Variants in CUX2 observed in about 807,000 individuals in gnomAD.
CUX2 encodes homeobox protein cut-like 2.
In CUX2, 40 loss-of-function variants were observed where a neutral mutation model predicts 144.8. The ratio of observed to expected loss-of-function variants is 0.28; its 90% confidence interval spans 0.21 to 0.36. The LOEUF is 0.36. Among genes scored for constraint, CUX2 ranks in the 10% least tolerant of loss-of-function variants. The pLI is 1.00. For synonymous variants in CUX2, 827 were observed against 875.6 expected (o/e 0.94, Z 0.98); for missense variants, 1,615 against 1,994.0 (o/e 0.81, Z 3.62).
chr12:111,081,826 G>A (rs1024431549), intron 1 of CUX2, among the ~76,000 whole-genome samples: 3 of 152,124 alleles, frequency 2.0e-5, no homozygotes, highest in South Asian at 2.1e-4. Flanking sequence ...TGTCTTCCAC[G>A]AGCTTCCGCC....
intron 1 of CUX2, among the ~76,000 whole-genome samples, chr12:111,055,710 C>A (rs140184976): frequency 1.3e-5 from 2 of 152,170 alleles, no homozygotes; most frequent in African/African-American, 2.4e-5. Context: ...ACTGCCCCAG[C>A]GGTCCCATCG....
chr12:111,229,111 A>G (rs1299466253), intron 3 of CUX2, among the ~76,000 whole-genome samples: 3 of 152,224 alleles, frequency 2.0e-5, no homozygotes, highest in Non-Finnish European at 4.4e-5. Context: ...GATTATTACA[A>G]TTAAGATGAT....
chr12:111,254,942 C>G (rs1013417010), intron 3 of CUX2, among the ~76,000 whole-genome samples: 1 of 152,148 alleles, frequency 6.6e-6, no homozygotes, highest in Admixed American at 6.6e-5. Context: ...CTCTGCCTCC[C>G]GGGTTCAAGA....
intron 1 of CUX2, among the ~76,000 whole-genome samples, chr12:111,172,627 T>A (rs1878619914): frequency 6.6e-6 from 1 of 152,206 alleles, no homozygotes; most frequent in African/African-American, 2.4e-5. Context: ...TGCAGCTGGG[T>A]GGAGGCTCCG....
At chr12:111,125,180 ATTT>A (rs113174761) in intron 1 of CUX2, among the ~76,000 whole-genome samples, 8,639 of 141,208 alleles carry the variant, frequency 0.061, 848 homozygotes, top group African/African-American at 0.21. Flanking sequence ...CTATTCTGGA[ATTT>A]TTTTTTTTTT....
rs759571472 is a variant in CUX2, at chr12:111,186,256, G to A, written c.64-27944G>A. Among the ~76,000 whole-genome samples the A allele has an allele frequency of 2.0e-5, 3 of 152,088 alleles. No individual in the cohort carries two copies. Among genetic ancestry groups the A allele is most frequent in the Non-Finnish European group, 4.4e-5 (3 of 68,024 alleles). ...GTTGTCACTGTGGATGCTTAGTCAG[G>A]TGACACTTATGGGGACCAGCTGTGT... On this transcript the variant is annotated intron_variant, in intron 1 of 21. Transcript: ENST00000261726. This position sits in a 1 kb window ranked among gnomAD's most constrained non-coding sequence, Gnocchi z 4.4.
At chr12:111,331,777 C>T (rs971403988) in intron 18 of CUX2, among the ~76,000 whole-genome samples, 1 of 152,062 alleles carries the variant, frequency 6.6e-6, no homozygotes, top group African/African-American at 2.4e-5. Flanking sequence ...CACAAAATGT[C>T]TTTTGAAAAA....
At chr12:111,097,785 G>A (rs1255676510) in intron 1 of CUX2, among the ~76,000 whole-genome samples, 1 of 152,164 alleles carries the variant, frequency 6.6e-6, no homozygotes, top group Non-Finnish European at 1.5e-5. Context: ...TGGCTGTTTT[G>A]TACCTGGGGC....
chr12:111,042,620 T>C (rs1869805139), intron 1 of CUX2, among the ~76,000 whole-genome samples: 1 of 152,062 alleles, frequency 6.6e-6, no homozygotes, highest in Admixed American at 6.6e-5. Flanking sequence ...CCTTAAGAAT[T>C]GTTGTGAGGA....
chr12:111,175,043 G>A (rs1433822228), intron 1 of CUX2, among the ~76,000 whole-genome samples: 1 of 152,148 alleles, frequency 6.6e-6, no homozygotes, highest in Non-Finnish European at 1.5e-5. Flanking sequence ...ACAGAAGAGG[G>A]GGCCGTACAG....
intron 5 of CUX2, among the ~76,000 whole-genome samples, chr12:111,291,913 A>G (rs1297564084): frequency 6.6e-6 from 1 of 152,152 alleles, no homozygotes; most frequent in African/African-American, 2.4e-5. Flanking sequence ...ATTCAGCACC[A>G]AAAGCACCCA....
At chr12:111,286,106 T>C (rs1227558595) in intron 4 of CUX2, among the ~76,000 whole-genome samples, 1 of 152,188 alleles carries the variant, frequency 6.6e-6, no homozygotes, top group Non-Finnish European at 1.5e-5. Context: ...GAGGGACTGA[T>C]GCATACAGGT....
intron 18 of CUX2, among the ~76,000 whole-genome samples, chr12:111,332,313 T>TTTTTTTTTTTTTTTTTG (rs1888155202): frequency 3.3e-5 from 5 of 151,380 alleles, no homozygotes; most frequent in African/African-American, 1.2e-4. Context: ...TTGTATTTTT[T>TTTTTTTTTTTTTTTTTG]AGTAGAGACG....
At chr12:111,121,761 A>G (rs1344371159) in intron 1 of CUX2, among the ~76,000 whole-genome samples, 2 of 152,106 alleles carry the variant, frequency 1.3e-5, no homozygotes, top group East Asian at 1.9e-4. Flanking sequence ...ATATGACTGT[A>G]TAAGTTATAG....
At chr12:111,183,249 G>T (rs1327644344) in intron 1 of CUX2, among the ~76,000 whole-genome samples, 1 of 152,266 alleles carries the variant, frequency 6.6e-6, no homozygotes, top group Non-Finnish European at 1.5e-5. Context: ...ACTCAGCTGG[G>T]CTCTGGGATA....
rs113534058 is a variant in CUX2 at position 111,342,476 on chromosome 12, C to CA, written c.3659+437dup. The stretch of plus-strand genomic sequence containing the variant: ...AGCCGGGGCGACAGAGACTCCATCT[C>CA]AAAAAAAAAAAAAATTTAAAACACA... On this transcript the variant is annotated intron_variant, in intron 21 of 21. Transcript: ENST00000261726. Among the ~76,000 whole-genome samples the CA allele has an allele frequency of 7.5e-3, 1,001 of 134,204 alleles. 9 individuals are homozygous for CA. The highest frequency in any genetic ancestry group is 0.021 in the East Asian group (98 of 4,724). 88.0% of individuals were successfully genotyped at this position (134,204 alleles called of 152,430 possible).
intron 1 of CUX2, among the ~76,000 whole-genome samples, chr12:111,050,994 A>G (rs1448257408): frequency 6.6e-6 from 1 of 152,200 alleles, no homozygotes; most frequent in East Asian, 1.9e-4. Flanking sequence ...AAATTGCTAG[A>G]AGAGAGGACT....
intron 1 of CUX2, among the ~76,000 whole-genome samples, chr12:111,149,179 G>C (rs967704450): frequency 3.3e-5 from 5 of 152,178 alleles, no homozygotes; most frequent in African/African-American, 1.2e-4. Context: ...TATCATCCTA[G>C]CTAAGCTTGT....
chr12:111,040,707 A>G (rs949834380), intron 1 of CUX2, among the ~76,000 whole-genome samples: 3 of 152,186 alleles, frequency 2.0e-5, no homozygotes, highest in African/African-American at 7.2e-5. Flanking sequence ...CTCTCTCTAC[A>G]CATGCTAGGT....
Sources: gnomAD v4.1 joint callset for allele counts (sites outside exome capture counted in the v4.1 genomes callset) on GRCh38, gnomAD v4.1.1 for gene constraint, Gnocchi (gnomAD v3.1) non-coding constraint, MANE v1.5 for transcripts, NCBI Gene and HGNC (gene_info 2026-07-23, HGNC 2026-07-21) for gene names.